The following PDHX variants were observed in gnomAD, a reference collection of about 807,000 sequenced individuals.
The protein encoded by PDHX is pyruvate dehydrogenase protein X component, mitochondrial.
Under a neutral mutation model 55.3 loss-of-function variants are expected in PDHX, and 33 were observed. The ratio of observed to expected loss-of-function variants is 0.60; its 90% CI spans 0.45 to 0.80. The LOEUF (loss-of-function observed/expected upper bound fraction) is 0.80, where lower values mean the gene tolerates loss of function less well. Ranked by LOEUF, PDHX falls within the 30% of genes least tolerant of loss-of-function variation. The pLI is 0.00. For missense variants in PDHX, 622 were observed against 619.9 expected, an observed-to-expected ratio of 1.00 and a Z score of -0.04; for synonymous variants, 226 against 219.4, an observed-to-expected ratio of 1.03 and a Z score of -0.27.
At chr11:34,958,987 A>G (rs931501917) in intron 4 of PDHX, among the ~76,000 whole-genome samples, 1 of 152,128 alleles carries the variant, frequency 6.6e-6, no homozygotes, top group Non-Finnish European at 1.5e-5. Flanking sequence ...GGCCCATATC[A>G]GAGTTATTTA....
chr11:34,992,743 C>T (rs1384588742), intron 10 of PDHX, among the ~76,000 whole-genome samples: 1 of 152,048 alleles, frequency 6.6e-6, no homozygotes, highest in East Asian at 1.9e-4. Flanking sequence ...TATAAATATA[C>T]CAGAATTCAT....
intron 5 of PDHX, 69 bp downstream of exon 5, chr11:34,960,587 AAAAAGAGCTTATTC>A: frequency 1.0e-6 from 1 of 968,236 alleles, no homozygotes; most frequent in Non-Finnish European, 1.6e-6. Flanking sequence ...GAAAGAAAAT[AAAAAGAGCTTATTC>A]AGTCTTAAGA....
At chr11:34,959,641 C>G (rs1590752334) in intron 4 of PDHX, among the ~76,000 whole-genome samples, 2 of 152,064 alleles carry the variant, frequency 1.3e-5, no homozygotes, top group African/African-American at 4.8e-5. Context: ...ATTTGTACAT[C>G]TATGTTCATA....
intron 3 of PDHX, among the ~76,000 whole-genome samples, chr11:34,952,234 G>A (rs1840102171): frequency 6.6e-6 from 1 of 152,044 alleles, no homozygotes; most frequent in South Asian, 2.1e-4. Context: ...GGACCAGATG[G>A]ATTCACAGCC....
chr11:34,955,394 A>C (rs538700204), intron 3 of PDHX, among the ~76,000 whole-genome samples: 32 of 152,320 alleles, frequency 2.1e-4, no homozygotes, highest in African/African-American at 6.5e-4. Context: ...AAAGGAATAG[A>C]AAAGGTTGAA....
intron 2 of PDHX, 23 bp from the exon 3 acceptor site, chr11:34,947,483 A>G (rs1484213773): frequency 6.5e-7 from 1 of 1,547,038 alleles, no homozygotes. Flanking sequence ...AAAAAACAAA[A>G]CAAACCCAGT....
At chr11:34,930,356 C>T (rs905598456) in intron 1 of PDHX, among the ~76,000 whole-genome samples, 1 of 152,200 alleles carries the variant, frequency 6.6e-6, no homozygotes, top group South Asian at 2.1e-4. Context: ...TTTGAAAATG[C>T]AGTACAAGTT....
At chr11:34,916,956 C>A in intron 1 of PDHX, 141 bp downstream of exon 1, 1 of 891,438 alleles carries the variant, frequency 1.1e-6, no homozygotes, top group South Asian at 1.4e-5. Flanking sequence ...CGGTTGGGGT[C>A]CGCCGACTTG....
upstream of PDHX, chr11:34,916,469 C>G (rs544017835): frequency 1.2e-5 from 18 of 1,459,632 alleles, no homozygotes; most frequent in East Asian, 4.5e-4. Context: ...TCCAGCGGCG[C>G]ACCTGACTTC....
chr11:34,985,172 G>T (rs560475689), intron 9 of PDHX, among the ~76,000 whole-genome samples: 63 of 152,308 alleles, frequency 4.1e-4, no homozygotes, highest in African/African-American at 1.5e-3. Context: ...GCCAGGCGCG[G>T]TGTCTCACGC....
chr11:34,933,949 AGC>A (rs1386658138), intron 2 of PDHX, among the ~76,000 whole-genome samples: 1 of 152,200 alleles, frequency 6.6e-6, no homozygotes, highest in Non-Finnish European at 1.5e-5. Flanking sequence ...ATAATTGGTT[AGC>A]TTTAGAGGGT....
Position 34,954,123 on chromosome 11 carries a change from A to G in PDHX, c.343-3261A>G, listed in dbSNP as rs544989516. 7.9e-5 allele frequency among the ~76,000 whole-genome samples: 12 copies of G among 152,372 alleles called. No individual in the cohort carries two copies. In the South Asian group the frequency reaches 1.0e-3, roughly 13 times the overall value. On this transcript the variant is annotated intron_variant, in intron 3 of 10. Coordinates refer to ENST00000227868, the MANE Select transcript of PDHX (RefSeq NM_003477.3). ...ATGGAAAATCATAGTGATGAACCAG[A>G]TAAGTCAGTCACGTGACTCAGGTCA... is the stretch of plus-strand genomic sequence containing the variant.
At chr11:34,952,045 C>G (rs1590747284) in intron 3 of PDHX, among the ~76,000 whole-genome samples, 1 of 152,106 alleles carries the variant, frequency 6.6e-6, no homozygotes, top group East Asian at 1.9e-4. Context: ...AAACTACCAT[C>G]AGAGAATACT....
chr11:34,934,130 C>T (rs1348182036), intron 2 of PDHX, among the ~76,000 whole-genome samples: 8 of 152,148 alleles, frequency 5.3e-5, no homozygotes, highest in African/African-American at 1.9e-4. Context: ...CATAGAACAT[C>T]ACTGTATTGC....
Position 34,995,169 on chromosome 11 carries a change from C to T in PDHX, c.1503C>T (p.Ala501=), listed in dbSNP as rs151049569. The change falls in exon 11 of 11, where the codon GCC becomes GCT. Residue 501 remains alanine, a synonymous_variant. Coordinates refer to ENST00000227868, the MANE Select transcript of PDHX (RefSeq NM_003477.3). ...ACCTAGAGAATCCTATCCGACTTGC[C>T]TAGTCCTCAAAGATAAGAAGTTGGT... ...KANLENPIRL[A] 218 of 1,613,682 alleles carry T rather than the reference C, an allele frequency of 1.4e-4. No homozygotes were observed. In the African/African-American group the frequency reaches 2.3e-3, roughly 17 times the overall value.
chr11:34,950,817 A>ATGTT (rs1854744095), intron 3 of PDHX, among the ~76,000 whole-genome samples: 4 of 151,054 alleles, frequency 2.6e-5, no homozygotes, highest in African/African-American at 9.7e-5. Context: ...GCTATTGTGA[A>ATGTT]TAGTGCCGCA....
intron 8 of PDHX, among the ~76,000 whole-genome samples, chr11:34,982,135 G>T (rs1233865081): frequency 2.6e-5 from 4 of 152,238 alleles, no homozygotes; most frequent in East Asian, 1.9e-4. Flanking sequence ...ATGGTTTTAG[G>T]TCTAACATTT....
In PDHX at chr11:34,970,282, C is replaced by G. The variant is rs776188525; in HGVS notation, c.960C>G (p.Val320=). ...TTTTAAAAGTTAGGCAAGATCTGGT[C>G]AAAGGTTAGTAAAATTGAATTTACT... ...GAVLKVRQDL[V]KDDIKVSVND... Residue 320 remains valine, a synonymous_variant, in exon 7 of 11, where the codon GTC becomes GTG. Transcript: ENST00000227868. 1.2e-6 allele frequency: 2 copies of G among 1,612,520 alleles called. No individual in the cohort carries two copies. The highest frequency in any genetic ancestry group is 4.5e-5 in the East Asian group (2 of 44,838).
At chr11:34,963,750 C>G (rs1227195507) in intron 5 of PDHX, among the ~76,000 whole-genome samples, 1 of 152,194 alleles carries the variant, frequency 6.6e-6, no homozygotes, top group Non-Finnish European at 1.5e-5. Flanking sequence ...ACAAGCATTG[C>G]TCAGAATACA....
Sources: gnomAD v4.1 joint callset for allele counts (sites outside exome capture counted in the v4.1 genomes callset) on GRCh38, gnomAD v4.1.1 for gene constraint, MANE v1.5 for transcripts, NCBI Gene and HGNC (gene_info 2026-07-23, HGNC 2026-07-21) for gene names.